KCNH5: variants seen among roughly 807,000 people sequenced by gnomAD.
The protein encoded by KCNH5 is voltage-gated delayed rectifier potassium channel KCNH5.
KCNH5 carries 46 observed loss-of-function variants against 96.1 expected under a neutral mutation model. The observed-to-expected ratio is 0.48, with a 90% confidence interval of 0.38 to 0.61. The LOEUF is 0.61. KCNH5 is among the 20% of genes least tolerant of loss of function. KCNH5 has a pLI of 0.00. For missense variants in KCNH5, 907 were observed against 1,225.8 expected, an observed-to-expected ratio of 0.74 and a Z score of 3.88; for synonymous variants, 439 against 449.8, an observed-to-expected ratio of 0.98 and a Z score of 0.30.
At chr14:62,794,055 A>T (rs139634137) in intron 9 of KCNH5, among the ~76,000 whole-genome samples, 1 of 151,802 alleles carries the variant, frequency 6.6e-6, no homozygotes, top group African/African-American at 2.4e-5. Flanking sequence ...TGACATTCAC[A>T]CTCTGGGCTC....
chr14:62,804,756 G>C (rs532228964), intron 8 of KCNH5, among the ~76,000 whole-genome samples: 58 of 152,238 alleles, frequency 3.8e-4, no homozygotes, highest in Middle Eastern at 3.4e-3. Context: ...TATATCTTAG[G>C]CTTATTGCAG....
chr14:62,755,503 TAAAG>T (rs1885602556), intron 10 of KCNH5, among the ~76,000 whole-genome samples: 1 of 152,172 alleles, frequency 6.6e-6, no homozygotes, highest in African/African-American at 2.4e-5. Context: ...ATTAAACATT[TAAAG>T]AACTAATACC....
intron 10 of KCNH5, among the ~76,000 whole-genome samples, chr14:62,762,441 A>C (rs1885771361): frequency 6.6e-6 from 1 of 152,162 alleles, no homozygotes; most frequent in African/African-American, 2.4e-5. Context: ...GAGTTTCAGC[A>C]GACAAGCCCT....
chr14:62,932,974 C>A (rs1354143520), intron 7 of KCNH5, among the ~76,000 whole-genome samples: 1 of 152,022 alleles, frequency 6.6e-6, no homozygotes, highest in Non-Finnish European at 1.5e-5. Flanking sequence ...CTAGAGGCTA[C>A]TATAAGAGGT....
At chr14:63,042,098 A>G (rs1164717585) in intron 1 of KCNH5, among the ~76,000 whole-genome samples, 1 of 151,616 alleles carries the variant, frequency 6.6e-6, no homozygotes, top group Non-Finnish European at 1.5e-5. Flanking sequence ...CTTTGTGTCC[A>G]TTTCCCTTGC....
intron 7 of KCNH5, among the ~76,000 whole-genome samples, chr14:62,906,806 T>C (rs1180862813): frequency 6.6e-6 from 1 of 152,194 alleles, no homozygotes; most frequent in Non-Finnish European, 1.5e-5. Context: ...CTCATTCCAC[T>C]TTCCTCATCA....
intron 10 of KCNH5, among the ~76,000 whole-genome samples, chr14:62,743,039 G>A (rs1211085328): frequency 2.0e-5 from 3 of 152,148 alleles, no homozygotes; most frequent in Non-Finnish European, 4.4e-5. Flanking sequence ...CCATGGAGAA[G>A]AGACAGAGAA....
intron 7 of KCNH5, among the ~76,000 whole-genome samples, chr14:62,900,327 G>A (rs149389739): frequency 6.6e-6 from 1 of 152,260 alleles, no homozygotes; most frequent in East Asian, 1.9e-4. Context: ...ATTTGTATGT[G>A]GGGAAGTTTA....
At chr14:62,794,448 T>G (rs993017301) in intron 9 of KCNH5, among the ~76,000 whole-genome samples, 4 of 151,778 alleles carry the variant, frequency 2.6e-5, no homozygotes, top group African/African-American at 9.7e-5. Flanking sequence ...CAGGTCTGAA[T>G]TAAAATCCTG....
chr14:62,815,503 A>T (rs1480538307), intron 8 of KCNH5, among the ~76,000 whole-genome samples: 3 of 152,156 alleles, frequency 2.0e-5, no homozygotes, highest in Non-Finnish European at 2.9e-5. Flanking sequence ...TTCTCACCAC[A>T]CACACAAAAA....
At chr14:63,024,231 T>C (rs1278641451) in intron 1 of KCNH5, among the ~76,000 whole-genome samples, 1 of 147,784 alleles carries the variant, frequency 6.8e-6, no homozygotes, top group Non-Finnish European at 1.5e-5. Context: ...TATATATATC[T>C]TGAGACAAAT....
chr14:62,804,147 T>C lies in KCNH5; in HGVS notation c.1570-1566A>G, dbSNP rs373659257. Reference sequence around the variant, plus strand: ...TATGCTTTCAGTATCCCTTCTCTTATCCTTTCTTAATGCTCTACATACATT... The same window carrying C: ...TATGCTTTCAGTATCCCTTCTCTTACCCTTTCTTAATGCTCTACATACATT... On this transcript the variant is annotated intron_variant, in intron 8 of 10. Transcript: ENST00000322893. Among the ~76,000 whole-genome samples the C allele has an allele frequency of 2.4e-4, 36 of 152,280 alleles. 1 individual carries two copies. Among genetic ancestry groups the C allele is most frequent in the African/African-American group, 8.4e-4 (35 of 41,566 alleles).
chr14:62,755,989 C>T (rs1885614986), intron 10 of KCNH5, among the ~76,000 whole-genome samples: 1 of 151,518 alleles, frequency 6.6e-6, no homozygotes, highest in Admixed American at 6.6e-5. Context: ...ATTATAGATC[C>T]ACAGCTAGTA....
intron 7 of KCNH5, among the ~76,000 whole-genome samples, chr14:62,911,894 T>C (rs1421959028): frequency 2.0e-5 from 3 of 151,428 alleles, no homozygotes; most frequent in Admixed American, 6.6e-5. Context: ...AAAAATTAGC[T>C]GGGCGTGGTG....
At chr14:62,904,664 AT>A (rs1408240608) in intron 7 of KCNH5, among the ~76,000 whole-genome samples, 1 of 152,162 alleles carries the variant, frequency 6.6e-6, no homozygotes, top group Non-Finnish European at 1.5e-5. Context: ...CATATTTATC[AT>A]GTTTTATATT....
intron 7 of KCNH5, among the ~76,000 whole-genome samples, chr14:62,860,877 A>G (rs1220714203): frequency 6.6e-6 from 1 of 152,100 alleles, no homozygotes; most frequent in Admixed American, 6.5e-5. Flanking sequence ...ACCTTGGAAC[A>G]CTCGTCACTT....
chr14:62,799,363 G>A (rs1886601655), intron 9 of KCNH5, among the ~76,000 whole-genome samples: 1 of 151,736 alleles, frequency 6.6e-6, no homozygotes, highest in African/African-American at 2.4e-5. Context: ...GATCACCTGA[G>A]GTCAGGAGTT....
At chr14:62,850,096 T>A (rs1406967098) in intron 7 of KCNH5, among the ~76,000 whole-genome samples, 2 of 152,130 alleles carry the variant, frequency 1.3e-5, no homozygotes, top group Non-Finnish European at 2.9e-5. Flanking sequence ...GTAAGAGTCA[T>A]CTTTTCTGAA....
At chr14:62,841,768 A>G (rs1201378699) in intron 8 of KCNH5, among the ~76,000 whole-genome samples, 1 of 152,236 alleles carries the variant, frequency 6.6e-6, no homozygotes, top group Non-Finnish European at 1.5e-5. Context: ...CCATGTGGGC[A>G]TTTTTCACCT....
Sources: allele counts gnomAD v4.1 joint callset (sites outside exome capture counted in the v4.1 genomes callset), GRCh38; gene constraint gnomAD v4.1.1; transcripts MANE v1.5; gene names NCBI Gene and HGNC (gene_info 2026-07-23, HGNC 2026-07-21).